Variants in SHE observed in about 807,000 individuals in gnomAD.
SHE encodes Src homology 2 domain containing E.
In SHE, 11 loss-of-function variants were observed where a neutral mutation model predicts 49.8. That is an observed-to-expected ratio of 0.22 (90% CI 0.14 to 0.37). The LOEUF (loss-of-function observed/expected upper bound fraction) is 0.37. SHE is among the 10% of genes least tolerant of loss of function. The probability of loss-of-function intolerance (pLI) is 1.00; values close to 1 mark genes in which losing one functional copy is unlikely to be tolerated. For synonymous variants in SHE, 310 were observed against 278.1 expected (o/e 1.11, Z -1.14); for missense variants, 624 against 655.5 (o/e 0.95, Z 0.52).
chr1:154,473,316 A>T (rs1482661550), intron 1 of SHE, among the ~76,000 whole-genome samples: 1 of 151,964 alleles, frequency 6.6e-6, no homozygotes, highest in Non-Finnish European at 1.5e-5. Flanking sequence ...AATAATTTTT[A>T]AAAAACCAAT....
At chr1:154,498,035 T>C (rs886721278) in intron 2 of SHE, among the ~76,000 whole-genome samples, 13 of 152,140 alleles carry the variant, frequency 8.5e-5, no homozygotes, top group African/African-American at 1.7e-4. Context: ...TCCAATATTG[T>C]AGAACTTGTT....
chr1:154,494,151 A>T lies in SHE; in HGVS notation c.719-4795T>A, dbSNP rs114644527. On this transcript the variant is annotated intron_variant, in intron 2 of 5. Transcript: ENST00000304760. ...GGAATCAGAAACAGGGCTGCCCGAC[A>T]ATTTTTTACTCATATCTTTGATCAG... Among the ~76,000 whole-genome samples, 1,308 of 152,274 alleles carry T rather than the reference A, an allele frequency of 8.6e-3. 21 individuals carry two copies. The highest frequency in any genetic ancestry group is 0.03 in the African/African-American group (1,253 of 41,556).
At chr1:154,476,457 A>C (rs2149287381), downstream of SHE, among the ~76,000 whole-genome samples, 1 of 152,318 alleles carries the variant, frequency 6.6e-6, no homozygotes, top group South Asian at 2.1e-4. Context: ...AGCCTGGCCA[A>C]CATAGTGAAA....
At chr1:154,473,812 A>C (rs1359299729) in intron 1 of SHE, among the ~76,000 whole-genome samples, 1 of 151,904 alleles carries the variant, frequency 6.6e-6, no homozygotes, top group Non-Finnish European at 1.5e-5. Flanking sequence ...CAAAAAATAA[A>C]AAAAAAAAAA....
In SHE at chr1:154,483,489, C is replaced by T. The variant is rs902298621; in HGVS notation, c.*660G>A. 1.0e-6 allele frequency: 1 copy of T among 985,386 alleles called. No homozygotes were observed. Among genetic ancestry groups the T allele is most frequent in the Non-Finnish European group, 1.2e-6 (1 of 829,932 alleles). The allele number at this position is 985,386 out of a possible 1,614,324, so 61.0% of individuals were successfully genotyped here. ...GATTTTTTGTTGGTTTGTTTAGAGA[C>T]CAGGTATTCCAGGTAACAAGTAGGC... On this transcript the variant is annotated 3_prime_UTR_variant, in exon 6 of 6. Transcript: ENST00000304760.
downstream of SHE, among the ~76,000 whole-genome samples, chr1:154,478,153 T>C (rs113836044): frequency 5.9e-5 from 9 of 152,242 alleles, no homozygotes; most frequent in African/African-American, 1.9e-4. Context: ...GCGTCAGTTA[T>C]GGGAGTAGCA....
At chr1:154,471,084 C>T (rs1691732294) in intron 1 of SHE, among the ~76,000 whole-genome samples, 1 of 151,722 alleles carries the variant, frequency 6.6e-6, no homozygotes, top group Non-Finnish European at 1.5e-5. Context: ...AGGGCTGGGG[C>T]GAGAGCTCAG....
At chr1:154,488,291 C>T (rs1400093017) in intron 3 of SHE, among the ~76,000 whole-genome samples, 3 of 152,136 alleles carry the variant, frequency 2.0e-5, no homozygotes, top group South Asian at 2.1e-4. Context: ...CAGAGTCTTG[C>T]TCTGTCACCC....
rs1691973494 is a variant in SHE, at chr1:154,479,875, G to C, written c.*4274C>G. 7 of 985,310 alleles carry C rather than the reference G, an allele frequency of 7.1e-6. No homozygotes were observed. Among genetic ancestry groups the C allele is most frequent in the African/African-American group, 1.7e-5 (1 of 57,244 alleles). 61.0% of individuals were successfully genotyped at this position (985,310 alleles called of 1,614,324 possible). Reference sequence around the variant, plus strand: ...AGACTTCAAAACACCCTTTCCGCAGGAAAGGGCATTTTTCAAGATGGCAAC... The same window carrying C: ...AGACTTCAAAACACCCTTTCCGCAGCAAAGGGCATTTTTCAAGATGGCAAC... On this transcript the variant is annotated 3_prime_UTR_variant, in exon 6 of 6. Coordinates refer to ENST00000304760, the MANE Select transcript of SHE (RefSeq NM_001010846.3).
intron 2 of SHE, among the ~76,000 whole-genome samples, chr1:154,492,759 GA>G (rs1692406994): frequency 6.6e-6 from 1 of 152,204 alleles, no homozygotes; most frequent in South Asian, 2.1e-4. Context: ...GATGAATATA[GA>G]ATACAATTTT....
chr1:154,499,685 TA>T (rs1340958179), intron 1 of SHE, among the ~76,000 whole-genome samples: 2 of 152,176 alleles, frequency 1.3e-5, no homozygotes, highest in African/African-American at 4.8e-5. Flanking sequence ...CAGCACTGGC[TA>T]GGCACTGTGA....
intron 5 of SHE, 26 bp downstream of exon 5, chr1:154,485,917 T>C: frequency 6.2e-7 from 1 of 1,605,094 alleles, no homozygotes; most frequent in Non-Finnish European, 8.5e-7. Context: ...CCCTTGGAGA[T>C]GAGGAAAGCC....
intron 2 of SHE, among the ~76,000 whole-genome samples, chr1:154,490,742 G>A (rs1173759135): frequency 6.6e-6 from 1 of 151,922 alleles, no homozygotes; most frequent in Non-Finnish European, 1.5e-5. Context: ...CATTTTAAAA[G>A]TAAGGACACA....
intron 3 of SHE, among the ~76,000 whole-genome samples, chr1:154,487,423 A>C (rs1367826075): frequency 6.6e-6 from 1 of 152,140 alleles, no homozygotes; most frequent in Non-Finnish European, 1.5e-5. Flanking sequence ...AACAAAAAGA[A>C]AAGACAACTC....
Position 154,481,372 on chromosome 1 carries a change from T to G in SHE, c.*2777A>C. Reference sequence around the variant, plus strand: ...ACAACTGTAAAGCAACTGGACAATATGTAAACTCTGCCTCTCCTCTACTTT... The same window carrying G: ...ACAACTGTAAAGCAACTGGACAATAGGTAAACTCTGCCTCTCCTCTACTTT... On this transcript the variant is annotated 3_prime_UTR_variant, in exon 6 of 6. Transcript: ENST00000304760. The G allele has an allele frequency of 2.0e-6, 2 of 985,464 alleles. No homozygotes were observed. Among genetic ancestry groups the G allele is most frequent in the Non-Finnish European group, 2.4e-6 (2 of 829,938 alleles). The allele number at this position is 985,464 out of a possible 1,614,324, so 61.0% of individuals were successfully genotyped here. A position where few individuals can be genotyped will look rare whatever the true frequency, so the allele number is the denominator to read the frequency against.
At chr1:154,477,201 T>C (rs1691897111), downstream of SHE, among the ~76,000 whole-genome samples, 1 of 152,178 alleles carries the variant, frequency 6.6e-6, no homozygotes, top group South Asian at 2.1e-4. Flanking sequence ...AATTCCTTTT[T>C]CCCTTGCTCT....
At chr1:154,500,182 C>G (rs1036658237) in intron 1 of SHE, among the ~76,000 whole-genome samples, 13 of 152,330 alleles carry the variant, frequency 8.5e-5, no homozygotes, top group Admixed American at 2.6e-4. Flanking sequence ...CAGACAACCA[C>G]TGCAAGGGAC....
At position 154,483,357 on chromosome 1, in the gene SHE, C is replaced by T. The variant is rs533534300; in HGVS notation, c.*792G>A. 139 of 985,432 alleles carry T rather than the reference C, an allele frequency of 1.4e-4. 1 individual carries two copies. Among genetic ancestry groups the T allele is most frequent in the Admixed American group, 1.2e-4 (2 of 16,284 alleles). The allele number at this position is 985,432 out of a possible 1,614,324, so 61.0% of individuals were successfully genotyped here. A position where few individuals can be genotyped will look rare whatever the true frequency, so the allele number is the denominator to read the frequency against. The stretch of plus-strand genomic sequence containing the variant: ...TAGGACTTCTGAGGGAGAAAGACCA[C>T]CTTCTTGCCCGTCATTCACATTTTC... On this transcript the variant is annotated 3_prime_UTR_variant, in exon 6 of 6. Transcript: ENST00000304760.
chr1:154,500,174 G>C lies in SHE; in HGVS notation c.592-936C>G, dbSNP rs552740914. On this transcript the variant is annotated intron_variant, in intron 1 of 5. Transcript: ENST00000304760. ...GAAGTGACAACCATAAAAATAACCA[G>C]ACAACCACTGCAAGGGACTGTGACT... is the stretch of plus-strand genomic sequence containing the variant. Among the ~76,000 whole-genome samples the C allele has an allele frequency of 2.0e-5, 3 of 152,302 alleles. No homozygotes were observed. The South Asian group carries it at 6.2e-4, about 32-fold the overall frequency.
Sources: allele counts gnomAD v4.1 joint callset (sites outside exome capture counted in the v4.1 genomes callset), GRCh38; gene constraint gnomAD v4.1.1; transcripts MANE v1.5; gene names NCBI Gene and HGNC (gene_info 2026-07-23, HGNC 2026-07-21).